Variants in ANKRD6 observed in about 807,000 individuals in gnomAD.
The protein encoded by ANKRD6 is ankyrin repeat domain-containing protein 6.
ANKRD6 carries 56 observed loss-of-function variants against 82.3 expected under a neutral mutation model. That is an observed-to-expected ratio of 0.68 (90% CI 0.55 to 0.85). The LOEUF is 0.85. Ranked by LOEUF, ANKRD6 falls within the 40% of genes least tolerant of loss-of-function variation. ANKRD6 has a pLI of 0.00. For missense variants in ANKRD6, 852 were observed against 907.6 expected, an observed-to-expected ratio of 0.94 and a Z score of 0.79; for synonymous variants, 347 against 352.1, an observed-to-expected ratio of 0.99 and a Z score of 0.16.
intron 1 of ANKRD6, among the ~76,000 whole-genome samples, chr6:89,462,841 A>G (rs1296897831): frequency 1.3e-5 from 2 of 149,060 alleles, no homozygotes; most frequent in Non-Finnish European, 3.0e-5. Flanking sequence ...ACCCCTATGT[A>G]TTGACCACCA....
intron 9 of ANKRD6, 55 bp downstream of exon 9, chr6:89,618,086 G>T: frequency 6.3e-7 from 1 of 1,585,914 alleles, no homozygotes; most frequent in Middle Eastern, 1.7e-4. Context: ...CAAAGTTGTT[G>T]GGACTCCTGG....
intron 1 of ANKRD6, among the ~76,000 whole-genome samples, chr6:89,452,399 G>A (rs879231252): frequency 6.6e-6 from 1 of 152,164 alleles, no homozygotes; most frequent in African/African-American, 2.4e-5. Flanking sequence ...CGATATTTAA[G>A]TGAGGGGGGA....
intron 1 of ANKRD6, among the ~76,000 whole-genome samples, chr6:89,501,315 A>G (rs953491367): frequency 1.3e-5 from 2 of 152,240 alleles, no homozygotes; most frequent in African/African-American, 4.8e-5. Context: ...ACTTTCAGCA[A>G]AAAGTCTTCT....
intron 5 of ANKRD6, 88 bp from the exon 6 acceptor site, chr6:89,612,184 C>T (rs1037632911): frequency 1.3e-5 from 16 of 1,215,716 alleles, no homozygotes; most frequent in South Asian, 7.1e-5. Flanking sequence ...CCTTTTCCCC[C>T]GAGTAAGTAC....
chr6:89,470,019 C>T (rs184085528), intron 1 of ANKRD6, among the ~76,000 whole-genome samples: 1 of 152,248 alleles, frequency 6.6e-6, no homozygotes, highest in African/African-American at 2.4e-5. Flanking sequence ...GATAAACAAG[C>T]TCATTCAAGA....
chr6:89,558,379 A>G (rs748316817), intron 1 of ANKRD6, among the ~76,000 whole-genome samples: 15 of 152,232 alleles, frequency 9.9e-5, no homozygotes, highest in Non-Finnish European at 2.1e-4. Flanking sequence ...ATGGTATACA[A>G]TGGAATATTA....
intron 1 of ANKRD6, among the ~76,000 whole-genome samples, chr6:89,455,853 A>G (rs1215279228): frequency 2.6e-5 from 4 of 151,816 alleles, no homozygotes; most frequent in Non-Finnish European, 5.9e-5. Context: ...TAAATTATGC[A>G]GTCTCAGGTA....
intron 1 of ANKRD6, among the ~76,000 whole-genome samples, chr6:89,536,162 G>A (rs1049457321): frequency 6.6e-6 from 1 of 152,176 alleles, no homozygotes; most frequent in Non-Finnish European, 1.5e-5. Context: ...CCTGGAAAAC[G>A]GAGGTTGCAC....
intron 1 of ANKRD6, among the ~76,000 whole-genome samples, chr6:89,511,078 T>C (rs1384340661): frequency 6.6e-6 from 1 of 152,170 alleles, no homozygotes; most frequent in African/African-American, 2.4e-5. Flanking sequence ...CAGCTACCCT[T>C]GACATGGGGT....
intron 1 of ANKRD6, among the ~76,000 whole-genome samples, chr6:89,464,229 C>A (rs1475340311): frequency 6.6e-6 from 1 of 151,856 alleles, no homozygotes; most frequent in Non-Finnish European, 1.5e-5. Flanking sequence ...TAAATTCCTG[C>A]CTCCACTGGC....
At chr6:89,434,825 A>T (rs563455603) in intron 1 of ANKRD6, among the ~76,000 whole-genome samples, 2 of 152,166 alleles carry the variant, frequency 1.3e-5, no homozygotes, top group East Asian at 1.9e-4. Flanking sequence ...AAAATTTTTT[A>T]AAAATTAGGG....
At chr6:89,622,151 A>G in intron 10 of ANKRD6, 125 bp downstream of exon 10, 1 of 776,618 alleles carries the variant, frequency 1.3e-6, no homozygotes, top group Non-Finnish European at 2.1e-6. Flanking sequence ...TCCTTGCTGG[A>G]GCTCTTCAAA....
chr6:89,456,206 C>T (rs1033942110), intron 1 of ANKRD6, among the ~76,000 whole-genome samples: 2 of 152,164 alleles, frequency 1.3e-5, no homozygotes, highest in Non-Finnish European at 2.9e-5. Context: ...TGCCCCACCC[C>T]TATGACCCAG....
Position 89,627,613 on chromosome 6 carries a change from C to T in ANKRD6, c.1402C>T (p.Arg468Ter), listed in dbSNP as rs758627312. ...TGTTTTGGACAAGCTGATGGTTGAG[C>T]GACTTTCTGCAGAGAGGACGGAGTG... ...MRVLDKLMVE[R>*]LSAERTECLN... The change falls in exon 14 of 16, where the codon CGA becomes TGA. Residue 468 changes from arginine (R) to a stop codon, truncating the protein, a stop_gained. Transcript: ENST00000339746. LOFTEE classifies it high-confidence loss of function. The T allele has an allele frequency of 2.4e-5, 39 of 1,613,628 alleles. No homozygotes were observed. Among genetic ancestry groups the T allele is most frequent in the Non-Finnish European group, 2.9e-5 (34 of 1,179,750 alleles).
At position 89,616,328 on chromosome 6, in the gene ANKRD6, C is replaced by T. The variant is rs774532218; in HGVS notation, c.616-231C>T. The stretch of plus-strand genomic sequence containing the variant: ...TTTGCCCCTGCGTTTAATCCTGCTG[C>T]GTGATTTCAGGTATCCTCACTCAGA... On this transcript the variant is annotated intron_variant, in intron 7 of 15. Transcript: ENST00000339746. The T allele has an allele frequency of 3.4e-4, 186 of 545,482 alleles. 2 individuals carry two copies. Among genetic ancestry groups the T allele is most frequent in the Middle Eastern group, 2.0e-3 (4 of 2,006 alleles). The allele number at this position is 545,482 out of a possible 1,614,324, so 33.8% of individuals were successfully genotyped here.
intron 1 of ANKRD6, among the ~76,000 whole-genome samples, chr6:89,445,486 C>T (rs186148522): frequency 1.0e-3 from 156 of 151,376 alleles, no homozygotes; most frequent in Non-Finnish European, 1.7e-3. Context: ...CTCCCTCTGT[C>T]GCCAGGCTGG....
At chr6:89,600,067 G>A (rs566617444) in intron 3 of ANKRD6, among the ~76,000 whole-genome samples, 14 of 152,132 alleles carry the variant, frequency 9.2e-5, no homozygotes, top group African/African-American at 3.1e-4. Context: ...TGTTCTCGCC[G>A]CAACCTCACA....
chr6:89,535,939 A>T (rs1158158715), intron 1 of ANKRD6, among the ~76,000 whole-genome samples: 1 of 152,198 alleles, frequency 6.6e-6, no homozygotes, highest in African/African-American at 2.4e-5. Flanking sequence ...AAATGAAGAG[A>T]GTATCACAGG....
intron 1 of ANKRD6, among the ~76,000 whole-genome samples, chr6:89,474,642 C>G (rs1396305406): frequency 6.6e-6 from 1 of 152,164 alleles, no homozygotes; most frequent in African/African-American, 2.4e-5. Context: ...TGGTTTCGAT[C>G]TCCTGACCTT....
Sources: allele counts gnomAD v4.1 joint callset (sites outside exome capture counted in the v4.1 genomes callset), GRCh38; gene constraint gnomAD v4.1.1; transcripts MANE v1.5; gene names NCBI Gene and HGNC (gene_info 2026-07-23, HGNC 2026-07-21).